Variants in FAM107A observed in about 807,000 individuals in gnomAD.
The protein encoded by FAM107A is family with sequence similarity 107 member A.
In FAM107A, 19 loss-of-function variants were observed where a neutral mutation model predicts 13.7. The observed-to-expected ratio is 1.38, with a 90% CI of 0.97 to 2.03. The LOEUF is 2.03. FAM107A is among the 30% of genes most tolerant of loss of function. FAM107A has a pLI of 0.00. For missense variants in FAM107A, 203 were observed against 184.4 expected, an observed-to-expected ratio of 1.10 and a Z score of -0.58; for synonymous variants, 82 against 74.5, an observed-to-expected ratio of 1.10 and a Z score of -0.52.
At position 58,617,193 on chromosome 3, in the gene FAM107A, G is replaced by A. The variant is rs112010699; in HGVS notation, c.-70+10223C>T. ...CCTTCACAGACGCTGGCCGGTTCAG[G>A]GCCTGCAGGTCTCAATGGCAGGCCT... On this transcript the variant is annotated intron_variant, in intron 1 of 3. Coordinates refer to the FAM107A transcript ENST00000465970. This position sits in a 1 kb window ranked among gnomAD's most constrained non-coding sequence, Gnocchi z 4.5. 2.6e-5 allele frequency among the ~76,000 whole-genome samples: 4 copies of A among 152,154 alleles called. No individual in the cohort carries two copies. The highest frequency in any genetic ancestry group is 5.9e-5 in the Non-Finnish European group (4 of 68,032).
At chr3:58,587,224 A>G, upstream of FAM107A, 1 of 735,502 alleles carries the variant, frequency 1.4e-6, no homozygotes, top group South Asian at 3.4e-5. Context: ...CAAGGCGAGA[A>G]CACAGTGTCC....
chr3:58,570,625 GAGAGAGAGAGAA>G (rs1559474892), intron 1 of FAM107A, among the ~76,000 whole-genome samples: 2 of 125,386 alleles, frequency 1.6e-5, no homozygotes, highest in South Asian at 5.7e-4. Context: ...GAGAGAGAGA[GAGAGAGAGAGAA>G]AGAGACTGAC....
chr3:58,595,485 A>G (rs2065691500), intron 1 of FAM107A, among the ~76,000 whole-genome samples: 1 of 152,122 alleles, frequency 6.6e-6, no homozygotes, highest in Admixed American at 6.5e-5. Flanking sequence ...GCGATAATGT[A>G]TATTCCCTTG....
At chr3:58,607,554 A>G (rs1005725772) in intron 1 of FAM107A, 5 of 151,976 alleles carry the variant, frequency 3.3e-5, no homozygotes, top group Non-Finnish European at 4.4e-5. Flanking sequence ...ATCATGCTAG[A>G]TGGATTTGTA....
intron 1 of FAM107A, chr3:58,608,936 C>T (rs1473091337): frequency 6.6e-6 from 1 of 152,168 alleles, no homozygotes; most frequent in Non-Finnish European, 1.5e-5. Context: ...GTTGGCAGAG[C>T]TGGAATGGGG....
At chr3:58,624,359 G>A (rs1479005178) in intron 1 of FAM107A, among the ~76,000 whole-genome samples, 1 of 152,234 alleles carries the variant, frequency 6.6e-6, no homozygotes, top group African/African-American at 2.4e-5. Context: ...CCAAGTCCAA[G>A]GGAAGTTCAG....
Position 58,623,911 on chromosome 3 carries a change from G to A in FAM107A, c.-70+3505C>T, listed in dbSNP as rs763423310. On this transcript the variant is annotated intron_variant, in intron 1 of 3. Coordinates refer to the FAM107A transcript ENST00000465970. ...GCAGCCCCTTTAAGGGTGGCATTAC[G>A]GTCACAGCCTGGGGAGCTGGACTTG... 2.0e-5 allele frequency among the ~76,000 whole-genome samples: 3 copies of A among 152,196 alleles called. No individual in the cohort carries two copies. The East Asian group carries it at 5.8e-4, about 29-fold the overall frequency.
chr3:58,585,303 G>A (rs943329231), intron 1 of FAM107A, among the ~76,000 whole-genome samples: 1 of 152,196 alleles, frequency 6.6e-6, no homozygotes, highest in African/African-American at 2.4e-5. Context: ...GGAAATCGCC[G>A]GAGCTGGGAT....
At chr3:58,586,255 C>T (rs2065604785) in intron 1 of FAM107A, among the ~76,000 whole-genome samples, 1 of 148,984 alleles carries the variant, frequency 6.7e-6, no homozygotes, top group Non-Finnish European at 1.5e-5. Flanking sequence ...TTGTGTGAGT[C>T]TCTGTTTAAG....
intron 1 of FAM107A, among the ~76,000 whole-genome samples, chr3:58,593,253 A>C (rs1454286986): frequency 2.0e-5 from 3 of 152,184 alleles, no homozygotes; most frequent in Non-Finnish European, 4.4e-5. Flanking sequence ...TTATGAGCCT[A>C]ATACATCCCT....
intron 1 of FAM107A, among the ~76,000 whole-genome samples, chr3:58,592,477 G>C (rs773508867): frequency 6.6e-6 from 1 of 152,206 alleles, no homozygotes; most frequent in Non-Finnish European, 1.5e-5. Context: ...TCACTGGATA[G>C]GTAGAGGCCT....
chr3:58,599,749 G>A (rs912433922), intron 1 of FAM107A, among the ~76,000 whole-genome samples: 1 of 114,564 alleles, frequency 8.7e-6, no homozygotes, highest in Non-Finnish European at 1.7e-5. Flanking sequence ...ACGGGATCCC[G>A]CTCTGTCACC....
chr3:58,620,154 T>A (rs1039761531), intron 1 of FAM107A, among the ~76,000 whole-genome samples: 3 of 152,200 alleles, frequency 2.0e-5, no homozygotes, highest in Non-Finnish European at 4.4e-5. Context: ...CTCCCTTCCC[T>A]CATGGATAAA....
chr3:58,606,619 C>T (rs142778923), intron 1 of FAM107A, among the ~76,000 whole-genome samples: 31 of 152,334 alleles, frequency 2.0e-4, no homozygotes, highest in African/African-American at 7.0e-4. Context: ...AGGAGAGAAA[C>T]CTGTTTAAGT....
Position 58,566,678 on chromosome 3 carries a change from C to G in FAM107A, c.345G>C (p.Glu115Asp). 1 of 1,613,890 alleles carries G rather than the reference C, an allele frequency of 6.2e-7. No individual in the cohort carries two copies. Among genetic ancestry groups the G allele is most frequent in the South Asian group, 1.1e-5 (1 of 91,076 alleles). Reference sequence around the variant, plus strand: ...ACTCGGGGGCGTGATCCTCTTCCTTCTCTGGTGGTTTTTCCAGCTGAAGGA... The same window carrying G: ...ACTCGGGGGCGTGATCCTCTTCCTTGTCTGGTGGTTTTTCCAGCTGAAGGA... ...QRLNQLEKPP[E>D]KEEDHAPEFI... Residue 115 changes from glutamate (E) to aspartate (D), a missense_variant, in exon 4 of 4, where the codon GAG (glutamate) becomes GAC (aspartate). Transcript: ENST00000360997.
chr3:58,622,905 G>A (rs915259191), intron 1 of FAM107A, among the ~76,000 whole-genome samples: 7 of 152,218 alleles, frequency 4.6e-5, no homozygotes, highest in Admixed American at 3.9e-4. Flanking sequence ...AGTCCCAATG[G>A]CACCCAGAAG....
intron 1 of FAM107A, among the ~76,000 whole-genome samples, chr3:58,616,962 C>T (rs11719554): frequency 0.072 from 10,910 of 152,152 alleles, 436 homozygotes; most frequent in African/African-American, 0.094. Flanking sequence ...TTTGTAGAGA[C>T]GGGGTTTCAC....
rs1203415281 is a variant in FAM107A at position 58,617,751 on chromosome 3, T to A, written c.-70+9665A>T. Among the ~76,000 whole-genome samples the A allele has an allele frequency of 6.6e-6, 1 of 152,206 alleles. No homozygotes were observed. The highest frequency in any genetic ancestry group is 2.4e-5 in the African/African-American group (1 of 41,460). Reference sequence around the variant, plus strand: ...TCCTGAACTTTAGGCCCCTCTTCAGTGCTACTCCCAGGGGAGTGGAGCCAC... The same window carrying A: ...TCCTGAACTTTAGGCCCCTCTTCAGAGCTACTCCCAGGGGAGTGGAGCCAC... On this transcript the variant is annotated intron_variant, in intron 1 of 3. Coordinates refer to the FAM107A transcript ENST00000465970. This position sits in a 1 kb window ranked among gnomAD's most constrained non-coding sequence, Gnocchi z 4.5.
chr3:58,579,407 A>AT (rs936702113), upstream of FAM107A, among the ~76,000 whole-genome samples: 5 of 152,210 alleles, frequency 3.3e-5, no homozygotes, highest in African/African-American at 9.6e-5. Flanking sequence ...TTCTGGAAAC[A>AT]ATGTGTGGTC....
Sources: allele counts gnomAD v4.1 joint callset (sites outside exome capture counted in the v4.1 genomes callset), GRCh38; gene constraint gnomAD v4.1.1; non-coding constraint Gnocchi (gnomAD v3.1); transcripts MANE v1.5; gene names NCBI Gene and HGNC (gene_info 2026-07-23, HGNC 2026-07-21).